The following SUGCT variants were observed in gnomAD, a reference collection of about 807,000 sequenced individuals.
The protein encoded by SUGCT is succinyl-CoA:glutarate-CoA transferase.
Under a neutral mutation model 55.0 loss-of-function variants are expected in SUGCT, and 41 were observed. The observed-to-expected ratio is 0.74, with a 90% confidence interval of 0.58 to 0.97. The LOEUF is 0.97. Among genes scored for constraint, SUGCT ranks in the 50% least tolerant of loss-of-function variants. The pLI, the probability that SUGCT is intolerant of heterozygous loss-of-function variation, is 0.00. For synonymous variants in SUGCT, 187 were observed against 200.4 expected (o/e 0.93, Z 0.56); for missense variants, 568 against 547.8 (o/e 1.04, Z -0.37).
chr7:41,002,263 T>C, the SUGCT span, among the ~76,000 whole-genome samples: 1 of 152,162 alleles, frequency 6.6e-6, no homozygotes, highest in African/African-American at 2.4e-5. Context: ...TCAAGTGATC[T>C]GCCTGCCTTG....
intron 13 of SUGCT, among the ~76,000 whole-genome samples, chr7:40,803,379 T>C (rs547367776): frequency 9.2e-5 from 14 of 152,306 alleles, no homozygotes; most frequent in African/African-American, 2.9e-4. Flanking sequence ...ATCTTACCGA[T>C]GGGCAGCTTG....
chr7:40,186,021 T>C (rs1785481234), intron 3 of SUGCT, among the ~76,000 whole-genome samples: 1 of 152,130 alleles, frequency 6.6e-6, no homozygotes, highest in Non-Finnish European at 1.5e-5. Context: ...TTTCATTTTA[T>C]ATCCACTTCT....
rs779261639 is a variant in SUGCT at position 40,684,059 on chromosome 7, G to T, written c.1090-65375G>T. 1.2e-5 allele frequency: 20 copies of T among 1,612,124 alleles called. 2 individuals carry two copies. The highest frequency in any genetic ancestry group is 1.0e-4 in the Admixed American group (6 of 59,788). On this transcript the variant is annotated intron_variant, in intron 12 of 13. Transcript: ENST00000335693. ...TTTCTTTGCTGGTTGTCAATAGAAC[G>T]CTGTCTCTGGCTTCCAAAGCCTGCT... is the stretch of plus-strand genomic sequence containing the variant.
At chr7:40,960,056 C>T in the SUGCT span, among the ~76,000 whole-genome samples, 1 of 152,080 alleles carries the variant, frequency 6.6e-6, no homozygotes, top group Non-Finnish European at 1.5e-5. Flanking sequence ...GTTGGAAATG[C>T]AGAAGTCACC....
intron 8 of SUGCT, among the ~76,000 whole-genome samples, chr7:40,289,773 A>C (rs1793614123): frequency 6.6e-6 from 1 of 152,166 alleles, no homozygotes. Context: ...CTCAGCCCAA[A>C]ATCTCCTTAA....
At chr7:40,645,048 A>T (rs920213170) in intron 12 of SUGCT, among the ~76,000 whole-genome samples, 1 of 152,140 alleles carries the variant, frequency 6.6e-6, no homozygotes, top group Admixed American at 6.5e-5. Flanking sequence ...TCATGAGTCA[A>T]CATCGCTCTG....
intron 12 of SUGCT, among the ~76,000 whole-genome samples, chr7:40,745,367 T>A (rs1787683997): frequency 6.6e-6 from 1 of 152,160 alleles, no homozygotes; most frequent in Admixed American, 6.5e-5. Flanking sequence ...TATTACAAAT[T>A]TTTTTCTTCT....
chr7:40,963,351 A>G, the SUGCT span, among the ~76,000 whole-genome samples: 4 of 152,192 alleles, frequency 2.6e-5, no homozygotes, highest in Admixed American at 2.6e-4. Context: ...TTCTTCATTG[A>G]TTTTTACTAG....
chr7:40,392,602 G>A (rs114811083), intron 9 of SUGCT, among the ~76,000 whole-genome samples: 191 of 152,172 alleles, frequency 1.3e-3, no homozygotes, highest in African/African-American at 4.4e-3. Context: ...TAAAAAGCTT[G>A]GGCATTATCT....
chr7:41,027,765 T>G, the SUGCT span, among the ~76,000 whole-genome samples: 6 of 152,190 alleles, frequency 3.9e-5, no homozygotes, highest in Admixed American at 1.3e-4. Flanking sequence ...GGGACATATT[T>G]AATTTTTTAA....
At chr7:40,492,425 C>T (rs1487282679) in intron 11 of SUGCT, among the ~76,000 whole-genome samples, 3 of 152,164 alleles carry the variant, frequency 2.0e-5, no homozygotes, top group African/African-American at 7.2e-5. Flanking sequence ...TCTAGTCTCA[C>T]CTACATCAGC....
At chr7:40,527,270 G>C (rs902486496) in intron 12 of SUGCT, among the ~76,000 whole-genome samples, 5 of 152,196 alleles carry the variant, frequency 3.3e-5, no homozygotes, top group Non-Finnish European at 5.9e-5. Context: ...AAAATGTGTG[G>C]AAACACCACT....
chr7:40,700,845 G>GT (rs1785143168), intron 12 of SUGCT, among the ~76,000 whole-genome samples: 1 of 152,148 alleles, frequency 6.6e-6, no homozygotes. Context: ...TATTGTGGGA[G>GT]TAAGAGGAGA....
In SUGCT at chr7:40,838,237, C is replaced by T. The variant is rs1793091457; in HGVS notation, c.1154-22079C>T. Among the ~76,000 whole-genome samples, 3 of 152,104 alleles carry T rather than the reference C, an allele frequency of 2.0e-5. No individual in the cohort carries two copies. In the South Asian group the frequency reaches 6.2e-4, roughly 31 times the overall value. On this transcript the variant is annotated intron_variant, in intron 13 of 13. Coordinates refer to ENST00000335693, the MANE Select transcript of SUGCT (RefSeq NM_001193313.2). ...CAAAATTATTTTAGCTATTACAAAT[C>T]CTATGTCTTTTCAGATAAAATTTAG...
chr7:40,610,915 A>C (rs984677430), intron 12 of SUGCT, among the ~76,000 whole-genome samples: 2 of 152,168 alleles, frequency 1.3e-5, no homozygotes, highest in African/African-American at 4.8e-5. Flanking sequence ...AAGCAACTGA[A>C]TGTGTGTCAG....
intron 12 of SUGCT, among the ~76,000 whole-genome samples, chr7:40,734,429 T>G (rs1018785098): frequency 1.4e-4 from 21 of 152,210 alleles, no homozygotes. Flanking sequence ...TCATTTTACC[T>G]CCTCAGATCT....
intron 10 of SUGCT, among the ~76,000 whole-genome samples, chr7:40,452,633 GC>G (rs1789253038): frequency 6.6e-6 from 1 of 152,158 alleles, no homozygotes; most frequent in East Asian, 1.9e-4. Context: ...TCTTTTCTAA[GC>G]ATCTGTTTTC....
chr7:40,298,631 A>C lies in SUGCT; in HGVS notation c.721-18129A>C, dbSNP rs1235330034. Among the ~76,000 whole-genome samples, 3 of 152,196 alleles carry C rather than the reference A, an allele frequency of 2.0e-5. No homozygotes were observed. The East Asian group carries it at 5.8e-4, about 29-fold the overall frequency. On this transcript the variant is annotated intron_variant, in intron 8 of 13. Transcript: ENST00000335693. The stretch of plus-strand genomic sequence containing the variant: ...AGTCATTTGTGTAGGAATCCACTTA[A>C]GATGACTTGAAAGAGAATTTTCCTG...
chr7:40,738,619 A>C (rs1433405568), intron 12 of SUGCT, among the ~76,000 whole-genome samples: 1 of 152,198 alleles, frequency 6.6e-6, no homozygotes, highest in Non-Finnish European at 1.5e-5. Flanking sequence ...ATGTCAATAA[A>C]AATTTGAATT....
Sources: gnomAD v4.1 joint callset for allele counts (sites outside exome capture counted in the v4.1 genomes callset) on GRCh38, gnomAD v4.1.1 for gene constraint, MANE v1.5 for transcripts, NCBI Gene and HGNC (gene_info 2026-07-23, HGNC 2026-07-21) for gene names.